Variants in TUBGCP6 observed in about 807,000 individuals in gnomAD.
TUBGCP6 encodes tubulin gamma complex component 6.
Under a neutral mutation model 175.8 loss-of-function variants are expected in TUBGCP6, and 161 were observed. The ratio of observed to expected loss-of-function variants is 0.92; its 90% CI spans 0.81 to 1.04. The LOEUF (loss-of-function observed/expected upper bound fraction) is 1.04, where lower values mean the gene tolerates loss of function less well. Among genes scored for constraint, TUBGCP6 ranks in the 50% least tolerant of loss-of-function variants. The pLI, the probability that TUBGCP6 is intolerant of heterozygous loss-of-function variation, is 0.00. For synonymous variants in TUBGCP6, 1,173 were observed against 1,030.5 expected (o/e 1.14, Z -2.65); for missense variants, 2,572 against 2,433.0 (o/e 1.06, Z -1.20).
rs2064877511 is a variant in TUBGCP6 at position 50,243,698 on chromosome 22, AG to A, written c.741+20del. 1 of 1,580,148 alleles carries A rather than the reference AG, an allele frequency of 6.3e-7. No individual in the cohort carries two copies. Among genetic ancestry groups the A allele is most frequent in the Non-Finnish European group, 8.6e-7 (1 of 1,160,266 alleles). On this transcript the variant is annotated intron_variant, in intron 1 of 24. Transcript: ENST00000248846. ...TTCCAAACCCCGAGAGAGATGAAAGAGGAAAAACTAAACATTCTACCTTAAT... is the reference window on the plus strand; with the variant it reads ...TTCCAAACCCCGAGAGAGATGAAAGAGAAAAACTAAACATTCTACCTTAAT...
intron 10 of TUBGCP6, among the ~76,000 whole-genome samples, 188 bp downstream of exon 10, chr22:50,225,606 A>ACCCACCCTTCATCTCAG (rs1569115688): frequency 9.4e-5 from 6 of 63,930 alleles, no homozygotes; most frequent in African/African-American, 4.6e-4. Flanking sequence ...CTTCATCTCA[A>ACCCACCCTTCATCTCAG]CTCCCCGTTG....
At chr22:50,226,648 C>T (rs2064615145) in intron 7 of TUBGCP6, 85 bp downstream of exon 7, 2 of 1,200,834 alleles carry the variant, frequency 1.7e-6, no homozygotes, top group Admixed American at 2.0e-5. Context: ...CCCCCACATT[C>T]AGCAGGTGTC....
At chr22:50,240,074 T>C in intron 2 of TUBGCP6, 130 bp downstream of exon 2, 1 of 1,290,986 alleles carries the variant, frequency 7.7e-7, no homozygotes, top group Admixed American at 2.0e-5. Context: ...TTTTGGACAC[T>C]AGCTTAGGTT....
chr22:50,227,902 C>CT lies in TUBGCP6; in HGVS notation c.1412+4dup. The CT allele has an allele frequency of 6.4e-6, 10 of 1,573,256 alleles. No individual in the cohort carries two copies. Among genetic ancestry groups the CT allele is most frequent in the Non-Finnish European group, 8.6e-6 (10 of 1,159,172 alleles). Reference sequence around the variant, plus strand: ...CCCCTGCTCAGCCGCCATGCTGAGGCTCACCTGAGCTGCCGGCCAAGTTTC... The same window carrying CT: ...CCCCTGCTCAGCCGCCATGCTGAGGCTTCACCTGAGCTGCCGGCCAAGTTTC... On this transcript the variant is annotated splice_donor_region_variant and intron_variant, in intron 5 of 24. Transcript: ENST00000248846.
In TUBGCP6 at chr22:50,221,213, C is replaced by T. The variant is rs774109639; in HGVS notation, c.3146G>A (p.Arg1049Gln). 27 of 1,614,178 alleles carry T rather than the reference C, an allele frequency of 1.7e-5. No homozygotes were observed. The South Asian group carries it at 1.9e-4, about 11-fold the overall frequency. The change falls in exon 16 of 25, where the codon CGG becomes CAG. Residue 1049 changes from arginine (R) to glutamine (Q), a missense_variant. Physicochemically the swap from Arg to Gln is conservative, Grantham distance 43. Transcript: ENST00000248846. The stretch of plus-strand genomic sequence containing the variant: ...AGACACGTGCCCGTGGGTGTTCCAC[C>T]GTGGCCGGGTGGGAGCTATTTCAGA... ...YASEIAPTRP[R>Q]WNTHGHVSDA... is the part of the protein sequence containing the mutation.
intron 5 of TUBGCP6, 31 bp from the exon 6 acceptor site, chr22:50,227,108 A>AC (rs1569117375): frequency 8.2e-6 from 13 of 1,588,750 alleles, no homozygotes; most frequent in Non-Finnish European, 8.6e-6. Flanking sequence ...AGACCAGGTG[A>AC]CCGGGCTCAG....
At chr22:50,240,168 G>C (rs1278643578) in intron 2 of TUBGCP6, 36 bp downstream of exon 2, 2 of 1,611,716 alleles carry the variant, frequency 1.2e-6, no homozygotes, top group Admixed American at 3.3e-5. Context: ...TGCAGGGGTA[G>C]GGGCACTGCA....
At chr22:50,222,969 T>G (rs1327466723) in intron 13 of TUBGCP6, 2 of 189,608 alleles carry the variant, frequency 1.1e-5, no homozygotes, top group Admixed American at 5.8e-5. Context: ...AACTGAAAAC[T>G]AATGCAAAAA....
At position 50,235,131 on chromosome 22, in the gene TUBGCP6, TGTCCATGGCAGCATCCACACCCCA is replaced by T. The variant is rs1398810007; in HGVS notation, c.906-1629_906-1606del. ...TCCACTGCAGCATCATCCACACCCGTGTCCATGGCAGCATCCACACCCCAGTCCATGGCAGCATCTACACCCCTA... is the reference window on the plus strand; with the variant it reads ...TCCACTGCAGCATCATCCACACCCGTGTCCATGGCAGCATCTACACCCCTA... On this transcript the variant is annotated intron_variant, in intron 2 of 24. Coordinates refer to ENST00000248846, the MANE Select transcript of TUBGCP6 (RefSeq NM_020461.4). Among the ~76,000 whole-genome samples the T allele has an allele frequency of 2.8e-3, 395 of 142,402 alleles. 2 individuals are homozygous for T. Among genetic ancestry groups the T allele is most frequent in the Middle Eastern group, 0.019 (4 of 208 alleles). 93.4% of individuals were successfully genotyped at this position (142,402 alleles called of 152,430 possible).
chr22:50,227,208 A>T, intron 5 of TUBGCP6, 131 bp from the exon 6 acceptor site: 1 of 805,714 alleles, frequency 1.2e-6, no homozygotes. Context: ...GGCTTTAAAA[A>T]CCACAGGCAC....
chr22:50,224,308 C>T, intron 12 of TUBGCP6, 24 bp downstream of exon 12: 1 of 1,614,170 alleles, frequency 6.2e-7, no homozygotes, highest in Non-Finnish European at 8.5e-7. Context: ...CAGGCGTGAC[C>T]CCGCAGGGAC....
chr22:50,243,617 C>CA (rs375302946), intron 1 of TUBGCP6, 102 bp downstream of exon 1: 43,190 of 540,292 alleles, frequency 0.08, 95 homozygotes, highest in Non-Finnish European at 0.083. Context: ...GACACTGTCT[C>CA]AAAAAAAAAA....
At chr22:50,218,934 A>G in intron 20 of TUBGCP6, 37 bp from the exon 21 acceptor site, 1 of 1,594,428 alleles carries the variant, frequency 6.3e-7, no homozygotes, top group Non-Finnish European at 8.5e-7. Flanking sequence ...CAGGAGTCCC[A>G]AGCACATGCC....
chr22:50,241,983 CAAAAAAAAAAA>C (rs55647714), intron 1 of TUBGCP6, among the ~76,000 whole-genome samples: 1,679 of 92,786 alleles, frequency 0.018, 21 homozygotes, highest in South Asian at 0.034. Flanking sequence ...GACTCCATCT[CAAAAAAAAAAA>C]AAAAAAAAAA....
chr22:50,223,569 A>G (rs1166135453), intron 13 of TUBGCP6: 1 of 153,290 alleles, frequency 6.5e-6, no homozygotes, highest in African/African-American at 2.4e-5. Flanking sequence ...ACCTGAGGTC[A>G]GGAGTTTGAG....
At chr22:50,224,644 C>T (rs775086331) in intron 10 of TUBGCP6, 52 bp from the exon 11 acceptor site, 10 of 1,587,126 alleles carry the variant, frequency 6.3e-6, no homozygotes, top group Non-Finnish European at 7.7e-6. Flanking sequence ...CAGTGGCTCA[C>T]GCCTGTAATC....
intron 18 of TUBGCP6, 77 bp from the exon 19 acceptor site, chr22:50,219,533 C>T (rs191978159): frequency 3.2e-5 from 51 of 1,585,138 alleles, no homozygotes; most frequent in Non-Finnish European, 4.1e-5. Flanking sequence ...AGATGGAGCA[C>T]GTGCTGGGAA....
At position 50,233,533 on chromosome 22, in the gene TUBGCP6, G is replaced by C. The variant is rs2064721428; in HGVS notation, c.906-7C>G. 2 of 1,598,088 alleles carry C rather than the reference G, an allele frequency of 1.3e-6. No individual in the cohort carries two copies. The highest frequency in any genetic ancestry group is 1.7e-6 in the Non-Finnish European group (2 of 1,172,822). ...CTCTCTGTGGCCAGGGGGGCTGCGA[G>C]GGGTGCAGAAGAGAGGCCATGAGCA... On this transcript the variant is annotated splice_polypyrimidine_tract_variant and splice_region_variant and intron_variant, in intron 2 of 24. Coordinates refer to ENST00000248846, the MANE Select transcript of TUBGCP6 (RefSeq NM_020461.4).
At chr22:50,219,252 G>T (rs549844545) in intron 19 of TUBGCP6, 36 bp downstream of exon 19, 1 of 1,610,680 alleles carries the variant, frequency 6.2e-7, no homozygotes, top group Admixed American at 1.7e-5. Flanking sequence ...AGGACGGGCT[G>T]GGTGGGCAGA....
Sources: gnomAD v4.1 joint callset for allele counts (sites outside exome capture counted in the v4.1 genomes callset) on GRCh38, gnomAD v4.1.1 for gene constraint, MANE v1.5 for transcripts, NCBI Gene and HGNC (gene_info 2026-07-23, HGNC 2026-07-21) for gene names.